Variants in FAS observed in about 807,000 individuals in gnomAD.
FAS encodes the protein tumor necrosis factor receptor superfamily member 6.
A neutral mutation model predicts 33.2 loss-of-function variants in FAS; 5 were observed. The observed-to-expected ratio is 0.15, with a 90% CI of 0.08 to 0.32. The LOEUF is 0.32. Among genes scored for constraint, FAS ranks in the 10% least tolerant of loss-of-function variants. The pLI, the probability that FAS is intolerant of heterozygous loss-of-function variation, is 1.00. For synonymous variants in FAS, 131 were observed against 130.7 expected, an observed-to-expected ratio of 1.00 and a Z score of -0.01; for missense variants, 339 against 386.0, an observed-to-expected ratio of 0.88 and a Z score of 1.02.
intron 1 of FAS, chr10:88,992,325 C>G (rs745824317): frequency 1.1e-4 from 17 of 152,310 alleles, no homozygotes; most frequent in African/African-American, 4.1e-4. Context: ...TATACAACCT[C>G]AGGCCACACT....
chr10:89,002,956 G>A (rs1848011709), intron 1 of FAS, 73 bp from the exon 2 acceptor site: 2 of 1,564,888 alleles, frequency 1.3e-6, no homozygotes, highest in South Asian at 1.1e-5. Context: ...CCAATTTTGG[G>A]TGGGTTACAC....
chr10:88,983,471 C>T (rs1009417640), upstream of FAS, among the ~76,000 whole-genome samples: 1 of 152,128 alleles, frequency 6.6e-6, no homozygotes, highest in Non-Finnish European at 1.5e-5. Context: ...TCAGCATAGG[C>T]TTTGGAAGTT....
intron 2 of FAS, among the ~76,000 whole-genome samples, chr10:89,005,169 AAAAC>A (rs1470652288): frequency 6.7e-6 from 1 of 150,076 alleles, no homozygotes; most frequent in Non-Finnish European, 1.5e-5. Flanking sequence ...CCTTTCATCA[AAAAC>A]GAAGGGAGGG....
rs185291221 is a variant in FAS at position 89,007,113 on chromosome 10, T to A, written c.197-587T>A. On this transcript the variant is annotated intron_variant, in intron 2 of 8. Transcript: ENST00000652046. Reference sequence around the variant, plus strand: ...CTCTGACAGCAATGCAAGAGAAATATTACTATCTCCATCATATGCAGGATG... The same window carrying A: ...CTCTGACAGCAATGCAAGAGAAATAATACTATCTCCATCATATGCAGGATG... 2.3e-3 allele frequency among the ~76,000 whole-genome samples: 347 copies of A among 152,290 alleles called. 1 individual carries two copies. The highest frequency in any genetic ancestry group is 7.8e-3 in the African/African-American group (326 of 41,562).
At chr10:88,965,049 C>T (rs1036443369) in intron 1 of FAS, among the ~76,000 whole-genome samples, 6 of 152,122 alleles carry the variant, frequency 3.9e-5, no homozygotes, top group African/African-American at 7.2e-5. Context: ...TCTTCTTCTG[C>T]CAAATCATGT....
At chr10:88,996,549 A>G (rs1371028664) in intron 1 of FAS, among the ~76,000 whole-genome samples, 2 of 152,166 alleles carry the variant, frequency 1.3e-5, no homozygotes, top group Non-Finnish European at 2.9e-5. Context: ...TATAGCTAAT[A>G]ACAATGTATT....
intron 2 of FAS, chr10:88,974,394 A>T (rs1037932598): frequency 2.6e-5 from 4 of 152,226 alleles, no homozygotes; most frequent in Non-Finnish European, 4.4e-5. Flanking sequence ...GTGATATTGA[A>T]ACTAAATTCC....
chr10:88,965,939 G>A (rs1189705935), intron 1 of FAS, among the ~76,000 whole-genome samples: 1 of 152,188 alleles, frequency 6.6e-6, no homozygotes, highest in Non-Finnish European at 1.5e-5. Flanking sequence ...CCTTGAAAAT[G>A]GTGAGTTAGA....
At position 88,966,973 on chromosome 10, in the gene FAS, G is replaced by A. The variant is rs143605050; in HGVS notation, n.95-6209G>A. ...GAGAAGATCCCATAAAGAGCAACAC[G>A]GCTCAAACAGCGCCAAGAGGGCAGG... On this transcript the variant is annotated intron_variant and non_coding_transcript_variant, in intron 1 of 3. Coordinates refer to the FAS transcript ENST00000688239. Among the ~76,000 whole-genome samples, 940 of 152,292 alleles carry A rather than the reference G, an allele frequency of 6.2e-3. 15 individuals are homozygous for A. The highest frequency in any genetic ancestry group is 0.021 in the African/African-American group (885 of 41,562).
upstream of FAS, among the ~76,000 whole-genome samples, chr10:88,985,435 C>G (rs7097293): frequency 0.99 from 150,811 of 152,368 alleles, 74,640 homozygotes; most frequent in East Asian, 1. Flanking sequence ...AGTCGACTAA[C>G]ATTGCCTTCT....
chr10:88,964,839 C>T (rs1377756729), intron 1 of FAS, among the ~76,000 whole-genome samples: 6 of 152,154 alleles, frequency 3.9e-5, no homozygotes, highest in African/African-American at 1.2e-4. Context: ...AAAGGAGGCA[C>T]CCGTTCTGCT....
At chr10:88,995,738 A>G (rs1847549037) in intron 1 of FAS, among the ~76,000 whole-genome samples, 1 of 152,168 alleles carries the variant, frequency 6.6e-6, no homozygotes, top group Non-Finnish European at 1.5e-5. Context: ...CGGCAGGAGA[A>G]TCACTGGAAC....
At chr10:89,001,449 C>T (rs1460034781) in intron 1 of FAS, among the ~76,000 whole-genome samples, 1 of 151,556 alleles carries the variant, frequency 6.6e-6, no homozygotes, top group Non-Finnish European at 1.5e-5. Flanking sequence ...TGGAATAAGC[C>T]TGAATGGGGG....
chr10:88,996,270 T>G (rs1475817289), intron 1 of FAS, among the ~76,000 whole-genome samples: 2 of 99,020 alleles, frequency 2.0e-5, no homozygotes, highest in Non-Finnish European at 3.9e-5. Context: ...ATTAACTGGT[T>G]GTTGTTGTTT....
At chr10:88,968,503 G>A (rs114788365) in intron 1 of FAS, among the ~76,000 whole-genome samples, 2,823 of 152,268 alleles carry the variant, frequency 0.019, 79 homozygotes, top group African/African-American at 0.064. Context: ...CTGCTGACCT[G>A]AAGGAATGCA....
At chr10:89,005,423 A>T (rs1408946224) in intron 2 of FAS, among the ~76,000 whole-genome samples, 1 of 152,142 alleles carries the variant, frequency 6.6e-6, no homozygotes, top group Non-Finnish European at 1.5e-5. Flanking sequence ...TGATTAAATG[A>T]TCAAAGAAGT....
chr10:88,966,776 C>G (rs1053203171), intron 1 of FAS, among the ~76,000 whole-genome samples: 3 of 152,164 alleles, frequency 2.0e-5, no homozygotes, highest in Admixed American at 2.0e-4. Flanking sequence ...ACGTAACCTG[C>G]TCAAATGTTT....
chr10:88,973,175 C>T (rs774907948), intron 1 of FAS: 1 of 1,611,642 alleles, frequency 6.2e-7, no homozygotes. Flanking sequence ...TTCTGTGTGA[C>T]CTATAGATTC....
chr10:89,003,604 G>T (rs192839549), intron 2 of FAS, among the ~76,000 whole-genome samples: 1 of 152,308 alleles, frequency 6.6e-6, no homozygotes, highest in East Asian at 1.9e-4. Context: ...CAATCAGAAG[G>T]TCTCTAAGAA....
Sources: gnomAD v4.1 joint callset for allele counts (sites outside exome capture counted in the v4.1 genomes callset) on GRCh38, gnomAD v4.1.1 for gene constraint, MANE v1.5 for transcripts, NCBI Gene and HGNC (gene_info 2026-07-23, HGNC 2026-07-21) for gene names.